CACNA2D1: variants seen among roughly 807,000 people sequenced by gnomAD.
CACNA2D1 encodes calcium voltage-gated channel auxiliary subunit alpha2delta 1.
A neutral mutation model predicts 171.5 loss-of-function variants in CACNA2D1; 53 were observed. That is an observed-to-expected ratio of 0.31 (90% CI 0.25 to 0.39). CACNA2D1 has a LOEUF of 0.39. Among genes scored for constraint, CACNA2D1 ranks in the 10% least tolerant of loss-of-function variants. The probability of loss-of-function intolerance (pLI) is 1.00; values close to 1 mark genes in which losing one functional copy is unlikely to be tolerated. For missense variants in CACNA2D1, 903 were observed against 1,299.8 expected (o/e 0.69, Z 4.69); for synonymous variants, 442 against 443.1 (o/e 1.00, Z 0.03).
intron 1 of CACNA2D1, among the ~76,000 whole-genome samples, chr7:82,393,031 G>GAGGAAGGAAGGAAGGAAGGAAGGAAGGA (rs552898545): frequency 4.3e-4 from 33 of 75,866 alleles, no homozygotes; most frequent in Admixed American, 1.8e-3. Flanking sequence ...GACAGAGAGA[G>GAGGAAGGAAGGAAGGAAGGAAGGAAGGA]AGGAAGGAAG....
At chr7:82,131,664 G>A (rs978420259) in intron 5 of CACNA2D1, among the ~76,000 whole-genome samples, 10 of 152,066 alleles carry the variant, frequency 6.6e-5, no homozygotes, top group Non-Finnish European at 8.8e-5. Flanking sequence ...TGATGTAGAC[G>A]TATGAGATTG....
intron 3 of CACNA2D1, among the ~76,000 whole-genome samples, chr7:82,312,604 C>T (rs908749120): frequency 9.9e-5 from 15 of 151,548 alleles, no homozygotes; most frequent in African/African-American, 3.6e-4. Context: ...GCAACCTCTG[C>T]CTCCCGGGTT....
At chr7:82,284,794 A>G (rs971424170) in intron 3 of CACNA2D1, among the ~76,000 whole-genome samples, 1 of 152,170 alleles carries the variant, frequency 6.6e-6, no homozygotes, top group Non-Finnish European at 1.5e-5. Flanking sequence ...GTGGAGAAAC[A>G]TCAACATTCA....
At position 81,969,490 on chromosome 7, in the gene CACNA2D1, A is replaced by C. The variant is rs1034836269; in HGVS notation, c.2308+391T>G. Reference sequence around the variant, plus strand: ...AAGTCAATAAAATATTTTAAAAGATAAGCTATTATTAATTGTATAATTATA... The same window carrying C: ...AAGTCAATAAAATATTTTAAAAGATCAGCTATTATTAATTGTATAATTATA... On this transcript the variant is annotated intron_variant, in intron 28 of 38. Coordinates refer to ENST00000356860, the MANE Select transcript of CACNA2D1 (RefSeq NM_000722.4). Among the ~76,000 whole-genome samples, 3 of 151,320 alleles carry C rather than the reference A, an allele frequency of 2.0e-5. 1 individual carries two copies. The highest frequency in any genetic ancestry group is 4.1e-4 in the South Asian group (2 of 4,832).
At chr7:82,016,679 C>T (rs113544403) in intron 12 of CACNA2D1, among the ~76,000 whole-genome samples, 4 of 140,376 alleles carry the variant, frequency 2.8e-5, no homozygotes, top group East Asian at 4.6e-4. Flanking sequence ...TTAACTTCTA[C>T]GTGTTTGCTT....
intron 1 of CACNA2D1, among the ~76,000 whole-genome samples, chr7:82,419,789 T>C (rs1177010156): frequency 1.3e-5 from 2 of 152,182 alleles, no homozygotes; most frequent in Non-Finnish European, 2.9e-5. Flanking sequence ...CGGAAACATG[T>C]ATCATGGGTC....
intron 6 of CACNA2D1, among the ~76,000 whole-genome samples, chr7:82,109,763 A>G (rs1788155410): frequency 6.6e-6 from 1 of 152,204 alleles, no homozygotes; most frequent in Non-Finnish European, 1.5e-5. Context: ...AGGAAGACAG[A>G]AGCATTTCCT....
At chr7:82,443,780 C>T, upstream of CACNA2D1, 1 of 1,035,764 alleles carries the variant, frequency 9.7e-7, no homozygotes, top group South Asian at 4.9e-5. Context: ...CTCTCGCTCT[C>T]CCTCTCGGTT....
At chr7:82,069,713 CT>C (rs3839803) in intron 7 of CACNA2D1, among the ~76,000 whole-genome samples, 2,772 of 150,276 alleles carry the variant, frequency 0.018, 87 homozygotes, top group African/African-American at 0.063. Context: ...CGAAGTACCC[CT>C]TTTTTTTTTA....
At chr7:82,418,914 C>G (rs1184655267) in intron 1 of CACNA2D1, among the ~76,000 whole-genome samples, 2 of 151,730 alleles carry the variant, frequency 1.3e-5, no homozygotes, top group African/African-American at 4.8e-5. Flanking sequence ...GTCAGGAGAT[C>G]GAGATCACGG....
chr7:82,130,482 A>G (rs1039894349), intron 5 of CACNA2D1, among the ~76,000 whole-genome samples: 7 of 152,106 alleles, frequency 4.6e-5, no homozygotes, highest in African/African-American at 1.7e-4. Flanking sequence ...AATGCATTTA[A>G]AATTTATAAT....
intron 3 of CACNA2D1, among the ~76,000 whole-genome samples, chr7:82,322,138 A>C (rs1484907670): frequency 1.4e-5 from 2 of 147,284 alleles, no homozygotes; most frequent in Non-Finnish European, 3.0e-5. Flanking sequence ...AAAAAAAAAA[A>C]AAAAAAAAAA....
At chr7:82,310,034 A>C (rs1223436284) in intron 3 of CACNA2D1, among the ~76,000 whole-genome samples, 2 of 152,126 alleles carry the variant, frequency 1.3e-5, no homozygotes, top group African/African-American at 4.8e-5. Context: ...TATAACTCTA[A>C]ATTTATATGC....
intron 3 of CACNA2D1, among the ~76,000 whole-genome samples, chr7:82,279,841 A>G (rs1011446280): frequency 1.3e-5 from 2 of 152,158 alleles, no homozygotes; most frequent in Non-Finnish European, 2.9e-5. Flanking sequence ...TTTTTAACCT[A>G]AAATGTAATT....
intron 1 of CACNA2D1, 117 bp from the exon 2 acceptor site, chr7:82,349,766 T>A: frequency 1.2e-6 from 1 of 836,152 alleles, no homozygotes; most frequent in Non-Finnish European, 2.0e-6. Context: ...ATTATTCCTC[T>A]CCCTCCTAGC....
chr7:82,005,279 T>C, intron 18 of CACNA2D1, 144 bp downstream of exon 18: 3 of 666,194 alleles, frequency 4.5e-6, no homozygotes, highest in Non-Finnish European at 8.2e-6. Context: ...TGTGTGGTCC[T>C]TGTCATCTAA....
At chr7:81,970,073 C>A in intron 27 of CACNA2D1, 89 bp from the exon 28 acceptor site, 2 of 791,806 alleles carry the variant, frequency 2.5e-6, no homozygotes, top group East Asian at 2.5e-5. Context: ...TTTACAGATA[C>A]GCCTACATCT....
chr7:82,355,071 T>G (rs1820270036), intron 1 of CACNA2D1, among the ~76,000 whole-genome samples: 2 of 152,292 alleles, frequency 1.3e-5, no homozygotes, highest in South Asian at 4.1e-4. Context: ...ATTTTTTGCC[T>G]GATAACTTAT....
At position 82,434,863 on chromosome 7, in the gene CACNA2D1, G is replaced by A. The variant is rs62465979; in HGVS notation, c.95+8502C>T. ...ATGACTTCCTTTAAGGGGTCATCTA[G>A]TTTGACCTCTCCACAAAATGAAACT... On this transcript the variant is annotated intron_variant, in intron 1 of 38. Coordinates refer to ENST00000356860, the MANE Select transcript of CACNA2D1 (RefSeq NM_000722.4). Among the ~76,000 whole-genome samples, 613 of 151,984 alleles carry A rather than the reference G, an allele frequency of 4.0e-3. 2 individuals carry two copies. Among genetic ancestry groups the A allele is most frequent in the Non-Finnish European group, 5.9e-3 (403 of 67,970 alleles).
Sources: gnomAD v4.1 joint callset for allele counts (sites outside exome capture counted in the v4.1 genomes callset) on GRCh38, gnomAD v4.1.1 for gene constraint, MANE v1.5 for transcripts, NCBI Gene and HGNC (gene_info 2026-07-23, HGNC 2026-07-21) for gene names.